RTEL1: variants seen among roughly 807,000 people sequenced by gnomAD.
RTEL1 encodes the protein regulator of telomere length.
RTEL1 carries 86 observed loss-of-function variants against 162.2 expected under a neutral mutation model. The ratio of observed to expected loss-of-function variants is 0.53; its 90% CI spans 0.45 to 0.63. RTEL1 has a LOEUF of 0.63. Ranked by LOEUF, RTEL1 falls within the 30% of genes least tolerant of loss-of-function variation. The pLI is 0.00. For missense variants in RTEL1, 1,941 were observed against 1,750.2 expected (o/e 1.11, Z -1.95); for synonymous variants, 958 against 717.9 (o/e 1.33, Z -5.35).
At chr20:63,690,468 G>A (rs749220227) in intron 26 of RTEL1, 27 bp downstream of exon 26, 58 of 1,530,130 alleles carry the variant, frequency 3.8e-5, no homozygotes, top group Non-Finnish European at 4.6e-5. Context: ...CTGGGTGGGC[G>A]GTGTGGGGGT....
rs755194602 is a variant in RTEL1 at position 63,679,373 on chromosome 20, T to C, written c.1038-476T>C. 1.9e-4 allele frequency among the ~76,000 whole-genome samples: 29 copies of C among 152,268 alleles called. No homozygotes were observed. In the Middle Eastern group the frequency reaches 0.01, roughly 54 times the overall value. On this transcript the variant is annotated intron_variant, in intron 12 of 34. Coordinates refer to ENST00000360203, the MANE Select transcript of RTEL1 (RefSeq NM_001283009.2). ...CACCCTCAGGGTCCCCTCCTGTAGC[T>C]TCTGCTGCCCCATCACTGTCACTCT... is the stretch of plus-strand genomic sequence containing the variant.
Position 63,690,312 on chromosome 20 carries a change from C to G in RTEL1, c.2284C>G (p.Arg762Gly), listed in dbSNP as rs750251447. The G allele has an allele frequency of 6.2e-7, 1 of 1,607,738 alleles. No homozygotes were observed. The highest frequency in any genetic ancestry group is 8.5e-7 in the Non-Finnish European group (1 of 1,176,522). Residue 762 changes from arginine to glycine, a missense_variant, in exon 26 of 35, where the codon CGG becomes GGG. Physicochemically the swap from Arg to Gly is moderately radical, Grantham distance 125. Coordinates refer to ENST00000360203, the MANE Select transcript of RTEL1 (RefSeq NM_001283009.2). ...TCTGCAGATGCCAGCGCCGGCCCCCCGGGCTACAGCACCCAGTGTGCGTGG... is the reference window on the plus strand; with the variant it reads ...TCTGCAGATGCCAGCGCCGGCCCCCGGGGCTACAGCACCCAGTGTGCGTGG... ...AERTMPAPAP[R>G]ATAPSVRGED...
chr20:63,665,621 T>A (rs951963624), intron 6 of RTEL1, among the ~76,000 whole-genome samples: 1 of 152,070 alleles, frequency 6.6e-6, no homozygotes, highest in Non-Finnish European at 1.5e-5. Flanking sequence ...TTGTGGGAGA[T>A]GCCTCTGTGG....
At chr20:63,688,881 G>C (rs1287441067) in intron 21 of RTEL1, 174 bp from the exon 22 acceptor site, 1 of 708,352 alleles carries the variant, frequency 1.4e-6, no homozygotes, top group African/African-American at 1.8e-5. Context: ...GGGAAGCACT[G>C]AGCAGGCGTG....
At position 63,694,779 on chromosome 20, in the gene RTEL1, C is replaced by T. The variant is rs368303890; in HGVS notation, c.3148C>T (p.Pro1050Ser). The T allele has an allele frequency of 1.5e-5, 24 of 1,611,490 alleles. No individual in the cohort carries two copies. The highest frequency in any genetic ancestry group is 1.9e-5 in the Non-Finnish European group (23 of 1,179,504). Reference sequence around the variant, plus strand: ...CCAACCACAGTGGGGGTCTGGAGTGCCCAGAGCAGGGAAGCAGGGCCAGCA... The same window carrying T: ...CCAACCACAGTGGGGGTCTGGAGTGTCCAGAGCAGGGAAGCAGGGCCAGCA... ...GSQPQWGSGV[P>S]RAGKQGQHAV... The change falls in exon 32 of 35, where the codon CCC (proline) becomes TCC (serine). Residue 1050 changes from proline (P) to serine (S), a missense_variant. Transcript: ENST00000360203.
intron 16 of RTEL1, 60 bp from the exon 17 acceptor site, chr20:63,687,578 T>C: frequency 6.7e-7 from 1 of 1,485,138 alleles, no homozygotes; most frequent in Non-Finnish European, 9.0e-7. Context: ...GAGAGGCAGG[T>C]GGTCAGGCCC....
intron 22 of RTEL1, 57 bp downstream of exon 22, chr20:63,689,189 T>C (rs1601167509): frequency 6.6e-7 from 1 of 1,513,908 alleles, no homozygotes. Flanking sequence ...GGTGGGTGCT[T>C]ATGGCTCCCC....
At chr20:63,693,393 C>T (rs1164534281) in intron 30 of RTEL1, 110 bp downstream of exon 30, 8 of 1,350,642 alleles carry the variant, frequency 5.9e-6, no homozygotes, top group South Asian at 5.1e-5. Context: ...GGCCCCGCCT[C>T]TCTGTTCCCC....
intron 29 of RTEL1, 38 bp downstream of exon 29, chr20:63,693,041 G>C (rs139033875): frequency 7.5e-6 from 12 of 1,610,514 alleles, no homozygotes; most frequent in East Asian, 6.7e-5. Flanking sequence ...CCTGAGGGCA[G>C]TGCTGCCGCC....
rs756091219 is a variant in RTEL1 at position 63,693,293 on chromosome 20, G to A, written c.2992+10G>A. 3.7e-6 allele frequency: 6 copies of A among 1,611,246 alleles called. No homozygotes were observed. The East Asian group carries it at 6.7e-5, about 18-fold the overall frequency. On this transcript the variant is annotated intron_variant, in intron 30 of 34. Transcript: ENST00000360203. ...GTCCTGGACCCCACTGGTAAATGGG[G>A]CCCCAGGTGGGACCCTCAGACTCCT...
intron 10 of RTEL1, among the ~76,000 whole-genome samples, chr20:63,677,680 G>T (rs1463932794): frequency 6.6e-6 from 1 of 152,250 alleles, no homozygotes; most frequent in Non-Finnish European, 1.5e-5. Flanking sequence ...GATTTGGCCT[G>T]TGTAGCCTCT....
chr20:63,678,761 ACT>A lies in RTEL1; in HGVS notation c.1037+419_1037+420del, dbSNP rs149703637. Among the ~76,000 whole-genome samples, 308 of 121,228 alleles carry A rather than the reference ACT, an allele frequency of 2.5e-3. 35 individuals carry two copies. The highest frequency in any genetic ancestry group is 1.0e-2 in the African/African-American group (283 of 28,400). 79.5% of individuals were successfully genotyped at this position (121,228 alleles called of 152,430 possible). A position where few individuals can be genotyped will look rare whatever the true frequency, so the allele number is the denominator to read the frequency against. Reference sequence around the variant, plus strand: ...GGCACACACTCCCACGGAACGGCACACTCTCCCACGGAACAGCACACTCTCCC... The same window carrying A: ...GGCACACACTCCCACGGAACGGCACACTCCCACGGAACAGCACACTCTCCC... On this transcript the variant is annotated intron_variant, in intron 12 of 34. Transcript: ENST00000360203.
In RTEL1 at chr20:63,678,140, C is replaced by A; in HGVS notation, c.920-5C>A. 6.2e-7 allele frequency: 1 copy of A among 1,614,208 alleles called. No homozygotes were observed. ...GACTGCCTTTGCTGCCTTTCTCTTG[C>A]CCAGGGCTGAACATGGAGCTGGAAG... On this transcript the variant is annotated splice_polypyrimidine_tract_variant and splice_region_variant and intron_variant, in intron 10 of 34. Coordinates refer to ENST00000360203, the MANE Select transcript of RTEL1 (RefSeq NM_001283009.2).
chr20:63,686,223 G>A (rs1191173441), intron 16 of RTEL1: 40 of 348,294 alleles, frequency 1.1e-4, no homozygotes, highest in Non-Finnish European at 1.5e-4. Context: ...CTGCCTCCAC[G>A]CAGCGCCTGG....
intron 14 of RTEL1, among the ~76,000 whole-genome samples, chr20:63,683,199 C>CA (rs1271601170): frequency 1.3e-5 from 2 of 152,318 alleles, no homozygotes; most frequent in East Asian, 3.9e-4. Flanking sequence ...CTCCTGGGCT[C>CA]AGGCAGTCTG....
chr20:63,680,300 G>T (rs552981744), intron 13 of RTEL1, among the ~76,000 whole-genome samples: 1 of 152,200 alleles, frequency 6.6e-6, no homozygotes, highest in East Asian at 1.9e-4. Flanking sequence ...GCCCAGAGGC[G>T]GTGTCCCCAT....
chr20:63,666,967 G>A (rs559068930), intron 7 of RTEL1, among the ~76,000 whole-genome samples: 4 of 151,692 alleles, frequency 2.6e-5, no homozygotes, highest in Admixed American at 1.3e-4. Context: ...AGCCTCCCGA[G>A]TAGCTGGGAC....
At position 63,691,502 on chromosome 20, in the gene RTEL1, G is replaced by C. The variant is rs368964746; in HGVS notation, c.2557-240G>C. Among the ~76,000 whole-genome samples, 152 of 152,054 alleles carry C rather than the reference G, an allele frequency of 1.0e-3. 3 individuals carry two copies. The highest frequency in any genetic ancestry group is 8.1e-4 in the Non-Finnish European group (55 of 67,998). ...TTCCTGCCAGCCCCTCGCTGTGGTC[G>C]GACTGTCTTCCCTGGACCTGCTCTT... On this transcript the variant is annotated intron_variant, in intron 27 of 34. Transcript: ENST00000360203.
In RTEL1 at chr20:63,680,547, TG is replaced by T. The variant is rs1003657125; in HGVS notation, c.1136-114del. On this transcript the variant is annotated intron_variant, in intron 13 of 34. Coordinates refer to ENST00000360203, the MANE Select transcript of RTEL1 (RefSeq NM_001283009.2). ...CTGCGCTCCACCCTGGGCCCCCCAT[TG>T]GGCAGGAGATGGAGCTTGGCAGTCG... is the stretch of plus-strand genomic sequence containing the variant. The T allele has an allele frequency of 6.4e-6, 7 of 1,095,320 alleles. No homozygotes were observed. The African/African-American group carries it at 9.3e-5, about 15-fold the overall frequency. 67.9% of individuals were successfully genotyped at this position (1,095,320 alleles called of 1,614,324 possible).
Sources: gnomAD v4.1 joint callset for allele counts (sites outside exome capture counted in the v4.1 genomes callset) on GRCh38, gnomAD v4.1.1 for gene constraint, MANE v1.5 for transcripts, NCBI Gene and HGNC (gene_info 2026-07-23, HGNC 2026-07-21) for gene names.